OSBPL3: variants seen among roughly 807,000 people sequenced by gnomAD.
The protein encoded by OSBPL3 is oxysterol binding protein like 3.
In OSBPL3, 65 loss-of-function variants were observed where a neutral mutation model predicts 120.1. That is an observed-to-expected ratio of 0.54 (90% CI 0.44 to 0.67). OSBPL3 has a LOEUF of 0.67. Ranked by LOEUF, OSBPL3 falls within the 30% of genes least tolerant of loss-of-function variation. The probability of loss-of-function intolerance (pLI) is 0.00; values close to 1 mark genes in which losing one functional copy is unlikely to be tolerated. For synonymous variants in OSBPL3, 416 were observed against 402.6 expected (o/e 1.03, Z -0.40); for missense variants, 1,004 against 1,082.1 (o/e 0.93, Z 1.01).
Position 24,918,661 on chromosome 7 carries a change from C to CTATT in OSBPL3, c.-149-26041_-149-26040insAATA, listed in dbSNP as rs1810019332. 6.6e-6 allele frequency among the ~76,000 whole-genome samples: 1 copy of CTATT among 152,196 alleles called. No homozygotes were observed. The highest frequency in any genetic ancestry group is 1.5e-5 in the Non-Finnish European group (1 of 68,036). ...TTAACAAATGTTCACTAATCACTTA[C>CTATT]CATTGGTCAGGCACAGTTTTAGACA... On this transcript the variant is annotated intron_variant, in intron 1 of 22. Transcript: ENST00000313367. This position sits in a 1 kb window ranked among gnomAD's most constrained non-coding sequence, Gnocchi z 4.3.
In OSBPL3 at chr7:24,821,265, A is replaced by AAT. The variant is rs771833654; in HGVS notation, c.1885-1029_1885-1028dup. 5.3e-5 allele frequency among the ~76,000 whole-genome samples: 8 copies of AAT among 152,226 alleles called. No individual in the cohort carries two copies. Among genetic ancestry groups the AAT allele is most frequent in the Non-Finnish European group, 1.0e-4 (7 of 68,032 alleles). ...AAAGTAACATTTCCCAAGCCACACC[A>AAT]ATAGTCAGGGAAGAGGTAGCGGTAA... On this transcript the variant is annotated intron_variant, in intron 16 of 22. Coordinates refer to ENST00000313367, the MANE Select transcript of OSBPL3 (RefSeq NM_015550.4). The surrounding 1 kb of genome is among the most constrained non-coding windows in gnomAD (Gnocchi z 5.5).
At chr7:24,905,315 T>C (rs554820293) in intron 1 of OSBPL3, among the ~76,000 whole-genome samples, 1 of 152,018 alleles carries the variant, frequency 6.6e-6, no homozygotes, top group Non-Finnish European at 1.5e-5. Context: ...ATAGGAAATG[T>C]GCACCCAGCT....
intron 2 of OSBPL3, among the ~76,000 whole-genome samples, chr7:24,880,154 T>C (rs193114481): frequency 1.6e-4 from 24 of 152,338 alleles, no homozygotes; most frequent in Admixed American, 2.6e-4. Flanking sequence ...ATTTTTTTAA[T>C]ATATGTACCT....
intron 1 of OSBPL3, among the ~76,000 whole-genome samples, chr7:24,907,796 A>G (rs1480883750): frequency 6.6e-6 from 1 of 151,964 alleles, no homozygotes. Context: ...CGTTTCCTGC[A>G]CTCTGACTCA....
At chr7:24,870,626 G>T (rs1801974155) in intron 5 of OSBPL3, 106 bp downstream of exon 5, 1 of 713,438 alleles carries the variant, frequency 1.4e-6, no homozygotes, top group South Asian at 1.5e-5. Context: ...GGTAATGAAG[G>T]TCTTCTACAT....
At position 24,845,770 on chromosome 7, in the gene OSBPL3, A is replaced by G. The variant is rs115926188; in HGVS notation, c.1266+3299T>C. 2.7e-3 allele frequency among the ~76,000 whole-genome samples: 406 copies of G among 151,804 alleles called. 4 individuals carry two copies. The highest frequency in any genetic ancestry group is 9.2e-3 in the African/African-American group (383 of 41,432). Reference sequence around the variant, plus strand: ...CAGTTTGATAAATATTTACATTAATATTTTTCAGTTTGAATTTTTATATTT... The same window carrying G: ...CAGTTTGATAAATATTTACATTAATGTTTTTCAGTTTGAATTTTTATATTT... On this transcript the variant is annotated intron_variant, in intron 12 of 22. Transcript: ENST00000313367.
intron 10 of OSBPL3, among the ~76,000 whole-genome samples, chr7:24,861,319 A>G (rs1465066847): frequency 2.0e-5 from 3 of 152,242 alleles, no homozygotes; most frequent in African/African-American, 7.2e-5. Context: ...GTGAGAAAAT[A>G]ATATCATATT....
rs1466396691 is a variant in OSBPL3, at chr7:24,842,350, T to C, written c.1330A>G (p.Ile444Val). The stretch of plus-strand genomic sequence containing the variant: ...AAAAACTCAGAAAGGGAGTCAGTGA[T>C]GGAGAGTCTACTTTCATTAGAAAGC... ...HQLSNESRLSITDSLSEFFDA... is the reference protein window; with the variant it reads ...HQLSNESRLSVTDSLSEFFDA... The change falls in exon 13 of 23, where the codon ATC becomes GTC. Residue 444 changes from isoleucine (I) to valine (V), a missense_variant. Around this residue, in one of 4 missense-constraint regions of OSBPL3, gnomAD observed 473 missense variants for 568.0 expected, o/e 0.83. Transcript: ENST00000313367. The C allele has an allele frequency of 6.2e-7, 1 of 1,612,762 alleles. No individual in the cohort carries two copies. The highest frequency in any genetic ancestry group is 8.5e-7 in the Non-Finnish European group (1 of 1,178,954).
In OSBPL3 at chr7:24,959,288, C is replaced by A. The variant is rs1815444841; in HGVS notation, c.-150+20598G>T. On this transcript the variant is annotated intron_variant, in intron 1 of 22. Coordinates refer to ENST00000313367, the MANE Select transcript of OSBPL3 (RefSeq NM_015550.4). The surrounding 1 kb of genome is among the most constrained non-coding windows in gnomAD (Gnocchi z 4.3). ...AAGTTATGTACGAGAATATTCACAG[C>A]AGCACTAATCATAAAAACCCCAAAC... Among the ~76,000 whole-genome samples, 1 of 151,928 alleles carries A rather than the reference C, an allele frequency of 6.6e-6. No individual in the cohort carries two copies. Among genetic ancestry groups the A allele is most frequent in the African/African-American group, 2.4e-5 (1 of 41,358 alleles).
At position 24,815,706 on chromosome 7, in the gene OSBPL3, T is replaced by C. The variant is rs1794387501; in HGVS notation, c.2028-503A>G. On this transcript the variant is annotated intron_variant, in intron 18 of 22. Transcript: ENST00000313367. The surrounding 1 kb of genome is among the most constrained non-coding windows in gnomAD (Gnocchi z 5.1). ...TAAGACCAGATACTTACAAAACATA[T>C]GCAATGTGCTAAGTACTATTTTAGG... Among the ~76,000 whole-genome samples the C allele has an allele frequency of 6.6e-6, 1 of 152,254 alleles. No homozygotes were observed. Among genetic ancestry groups the C allele is most frequent in the African/African-American group, 2.4e-5 (1 of 41,476 alleles).
At chr7:24,895,361 C>A (rs949237859) in intron 1 of OSBPL3, among the ~76,000 whole-genome samples, 1 of 152,138 alleles carries the variant, frequency 6.6e-6, no homozygotes, top group Non-Finnish European at 1.5e-5. Context: ...TCATGCTGTA[C>A]AGGTTTGTAG....
In OSBPL3 at chr7:24,958,415, A is replaced by T. The variant is rs373713163; in HGVS notation, c.-150+21471T>A. Among the ~76,000 whole-genome samples the T allele has an allele frequency of 7.9e-5, 12 of 152,220 alleles. No individual in the cohort carries two copies. The East Asian group carries it at 2.1e-3, about 27-fold the overall frequency. On this transcript the variant is annotated intron_variant, in intron 1 of 22. Transcript: ENST00000313367. ...TTTCTTCCTTTGTATTACTCTGCACATTCTATGATCCAACTACTCTGAGCC... is the reference window on the plus strand; with the variant it reads ...TTTCTTCCTTTGTATTACTCTGCACTTTCTATGATCCAACTACTCTGAGCC...
At chr7:24,816,585 C>T in intron 18 of OSBPL3, 25 bp downstream of exon 18, 2 of 1,556,714 alleles carry the variant, frequency 1.3e-6, no homozygotes, top group African/African-American at 1.4e-5. Flanking sequence ...CCATAAAGCT[C>T]CTTAACCACA....
Position 24,804,024 on chromosome 7 carries a change from G to C in OSBPL3, c.2567+291C>G, listed in dbSNP as rs1056497492. ...TGGTGCTGGGACCCAGTTCTGGCAG[G>C]CTCCCTGACTGAGGAGCTCCTCTGC... On this transcript the variant is annotated intron_variant, in intron 22 of 22. Transcript: ENST00000313367. This position sits in a 1 kb window ranked among gnomAD's most constrained non-coding sequence, Gnocchi z 5.4. 1.3e-5 allele frequency among the ~76,000 whole-genome samples: 2 copies of C among 152,138 alleles called. No homozygotes were observed. Among genetic ancestry groups the C allele is most frequent in the African/African-American group, 2.4e-5 (1 of 41,420 alleles).
rs1277184812 is a variant in OSBPL3, at chr7:24,967,195, T to A, written c.-150+12691A>T. 6.6e-6 allele frequency among the ~76,000 whole-genome samples: 1 copy of A among 152,256 alleles called. No homozygotes were observed. Among genetic ancestry groups the A allele is most frequent in the Non-Finnish European group, 1.5e-5 (1 of 68,038 alleles). ...TTCCAATCATACAACATTTAATTTT[T>A]GTATTTGACTACCAGTTGAACTGAT... On this transcript the variant is annotated intron_variant, in intron 1 of 22. Coordinates refer to ENST00000313367, the MANE Select transcript of OSBPL3 (RefSeq NM_015550.4). The surrounding 1 kb of genome is among the most constrained non-coding windows in gnomAD (Gnocchi z 5.6).
intron 5 of OSBPL3, among the ~76,000 whole-genome samples, chr7:24,869,422 T>C (rs1801802618): frequency 6.6e-6 from 1 of 152,224 alleles, no homozygotes; most frequent in Non-Finnish European, 1.5e-5. Context: ...GTATTCTTTC[T>C]TAAATTTCTT....
chr7:24,830,722 G>A lies in OSBPL3; in HGVS notation c.1884+46C>T. The A allele has an allele frequency of 6.4e-7, 1 of 1,558,270 alleles. No individual in the cohort carries two copies. Among genetic ancestry groups the A allele is most frequent in the East Asian group, 2.3e-5 (1 of 43,548 alleles). On this transcript the variant is annotated intron_variant, in intron 16 of 22. Coordinates refer to ENST00000313367, the MANE Select transcript of OSBPL3 (RefSeq NM_015550.4). The surrounding 1 kb of genome is among the most constrained non-coding windows in gnomAD (Gnocchi z 4.4). ...TATTTCAGAAGCACATTTAATGGGAGACATAAGCAACCCCTCCCAACAAGC... is the reference window on the plus strand; with the variant it reads ...TATTTCAGAAGCACATTTAATGGGAAACATAAGCAACCCCTCCCAACAAGC...
At chr7:24,841,654 C>G (rs1487858594) in intron 13 of OSBPL3, among the ~76,000 whole-genome samples, 1 of 139,982 alleles carries the variant, frequency 7.1e-6, no homozygotes, top group African/African-American at 2.7e-5. Context: ...GATATCACAC[C>G]ACTGCACTCC....
chr7:24,950,402 A>T (rs1327581879), intron 1 of OSBPL3, among the ~76,000 whole-genome samples: 2 of 152,214 alleles, frequency 1.3e-5, no homozygotes, highest in Non-Finnish European at 2.9e-5. Context: ...CTCAAAAGGG[A>T]AAAACAGAAA....
Sources: gnomAD v4.1 joint callset for allele counts (sites outside exome capture counted in the v4.1 genomes callset) on GRCh38, gnomAD v4.1.1 for gene constraint, gnomAD v4.1.1 regional missense constraint, Gnocchi (gnomAD v3.1) non-coding constraint, MANE v1.5 for transcripts, NCBI Gene and HGNC (gene_info 2026-07-23, HGNC 2026-07-21) for gene names.